The following NFILZ variants were observed in gnomAD, a reference collection of about 807,000 sequenced individuals.
NFILZ encodes NFIL3 like protein.
chr19:8,678,501 C>T lies in NFILZ; in HGVS notation c.*866C>T, dbSNP rs1555751087. The stretch of plus-strand genomic sequence containing the variant: ...TCTTTCTTGCTTCTATCCATTTTCC[C>T]ATCCACACACCTATCCATTCATCCA... On this transcript the variant is annotated 3_prime_UTR_variant, in exon 6 of 6. Transcript: ENST00000691075. 6.6e-6 allele frequency among the ~76,000 whole-genome samples: 1 copy of T among 150,722 alleles called. No individual in the cohort carries two copies. Among genetic ancestry groups the T allele is most frequent in the Non-Finnish European group, 1.5e-5 (1 of 67,696 alleles).
intron 3 of NFILZ, among the ~76,000 whole-genome samples, chr19:8,646,124 C>T (rs2042938384): frequency 6.6e-6 from 1 of 151,986 alleles, no homozygotes; most frequent in Admixed American, 6.6e-5. Context: ...ACAACCTCTG[C>T]CTCCTGGGTT....
Position 8,678,086 on chromosome 19 carries a change from A to G in NFILZ, c.*451A>G, listed in dbSNP as rs2043122584. Among the ~76,000 whole-genome samples, 1 of 4,632 alleles carries G rather than the reference A, an allele frequency of 2.2e-4. No homozygotes were observed. Among genetic ancestry groups the G allele is most frequent in the African/African-American group, 1.0e-3 (1 of 954 alleles). 3.0% of individuals were successfully genotyped at this position (4,632 alleles called of 152,430 possible). On this transcript the variant is annotated 3_prime_UTR_variant, in exon 6 of 6. Coordinates refer to ENST00000691075, the MANE Select transcript of NFILZ (RefSeq NM_001378600.1). The stretch of plus-strand genomic sequence containing the variant: ...TATTCATCCATCCATCAATCCATCC[A>G]TCCATTCCATCCATCCATCCATCCA...
intron 3 of NFILZ, among the ~76,000 whole-genome samples, chr19:8,647,747 C>A (rs2042945334): frequency 8.4e-6 from 1 of 119,276 alleles, no homozygotes; most frequent in South Asian, 2.6e-4. Context: ...GGGAGGGGAA[C>A]AACACACACA....
intron 3 of NFILZ, among the ~76,000 whole-genome samples, chr19:8,653,038 T>TTCTTTCTTTCTTTCTCTCTCCC (rs1555747925): frequency 2.2e-5 from 2 of 90,588 alleles, no homozygotes; most frequent in Admixed American, 1.3e-4. Flanking sequence ...CTTTCTTTCT[T>TTCTTTCTTTCTTTCTCTCTCCC]TCTCTCTCTC....
intron 1 of NFILZ, among the ~76,000 whole-genome samples, chr19:8,631,829 T>TG (rs1555745576): frequency 1.8e-5 from 1 of 56,034 alleles, no homozygotes; most frequent in South Asian, 7.7e-4. Flanking sequence ...AGTCCTCGCT[T>TG]TTGTGTGTGT....
intron 3 of NFILZ, among the ~76,000 whole-genome samples, chr19:8,653,043 T>TCTCTCTCC (rs2042975805): frequency 1.4e-5 from 1 of 69,234 alleles, no homozygotes; most frequent in Non-Finnish European, 2.9e-5. Context: ...TTTCTTTCTC[T>TCTCTCTCC]CTCTCTCTCT....
chr19:8,656,821 A>G (rs1030627167), intron 3 of NFILZ, among the ~76,000 whole-genome samples: 4 of 152,122 alleles, frequency 2.6e-5, no homozygotes, highest in Non-Finnish European at 5.9e-5. Context: ...ATGATGCCTC[A>G]TGCACCAGGG....
Position 8,656,388 on chromosome 19 carries a change from C to T in NFILZ, c.-163-18163C>T, listed in dbSNP as rs75661980. Among the ~76,000 whole-genome samples the T allele has an allele frequency of 1.1e-3, 103 of 91,514 alleles. 3 individuals are homozygous for T. Among genetic ancestry groups the T allele is most frequent in the East Asian group, 7.4e-3 (19 of 2,552 alleles). 60.0% of individuals were successfully genotyped at this position (91,514 alleles called of 152,430 possible). On this transcript the variant is annotated intron_variant, in intron 3 of 5. Transcript: ENST00000691075. ...CCACCTTCTCCCTGAAGCCCACCTT[C>T]TCCCGCAGCCCACCTTCTCTCTGAA...
intron 3 of NFILZ, among the ~76,000 whole-genome samples, chr19:8,663,393 GA>G (rs149272484): frequency 0.047 from 7,036 of 148,962 alleles, 208 homozygotes; most frequent in Middle Eastern, 0.14. Context: ...GGCAGTGGGG[GA>G]TGGAACTGCC....
chr19:8,679,884 G>A lies in NFILZ; in HGVS notation c.*2249G>A, dbSNP rs1275827021. Among the ~76,000 whole-genome samples the A allele has an allele frequency of 3.3e-5, 5 of 152,152 alleles. No homozygotes were observed. Among genetic ancestry groups the A allele is most frequent in the African/African-American group, 9.7e-5 (4 of 41,434 alleles). On this transcript the variant is annotated 3_prime_UTR_variant, in exon 6 of 6. Transcript: ENST00000691075. The stretch of plus-strand genomic sequence containing the variant: ...CCCGGTATAGGGGCTTCTCTGGACT[G>A]TTTTATCTTCATAAATAATGTGAAT...
intron 2 of NFILZ, among the ~76,000 whole-genome samples, chr19:8,634,430 C>T (rs782158258): frequency 5.3e-5 from 8 of 152,164 alleles, no homozygotes; most frequent in Non-Finnish European, 7.3e-5. Context: ...GAACTATCGG[C>T]GCATGCCGTG....
intron 2 of NFILZ, among the ~76,000 whole-genome samples, chr19:8,634,703 T>G (rs2042886516): frequency 6.6e-6 from 1 of 151,318 alleles, no homozygotes; most frequent in Non-Finnish European, 1.5e-5. Context: ...CAGTGAGACC[T>G]TGTCTCTACA....
chr19:8,652,969 C>T (rs181102711), intron 3 of NFILZ, among the ~76,000 whole-genome samples: 6 of 113,958 alleles, frequency 5.3e-5, no homozygotes, highest in Non-Finnish European at 8.6e-5. Flanking sequence ...CCTTCCTTCC[C>T]TCCTTCCTTC....
intron 3 of NFILZ, among the ~76,000 whole-genome samples, chr19:8,662,878 G>A (rs1017639907): frequency 6.6e-5 from 10 of 151,340 alleles, no homozygotes; most frequent in Admixed American, 1.3e-4. Flanking sequence ...CTCTTGATCC[G>A]TCTGCCTCCC....
rs377337194 is a variant in NFILZ, at chr19:8,656,355, C to A, written c.-163-18196C>A. Among the ~76,000 whole-genome samples the A allele has an allele frequency of 5.3e-4, 40 of 74,782 alleles. 4 individuals are homozygous for A. The South Asian group carries it at 0.016, about 31-fold the overall frequency. The allele number at this position is 74,782 out of a possible 152,430, so 49.1% of individuals were successfully genotyped here. ...CCTTCTTCCTGAAGCCCACCTCTTC[C>A]CTGAAGCCCACCTTCTCCCTGAAGC... On this transcript the variant is annotated intron_variant, in intron 3 of 5. Coordinates refer to ENST00000691075, the MANE Select transcript of NFILZ (RefSeq NM_001378600.1).
At chr19:8,656,526 TCTCTC>T (rs1210141722) in intron 3 of NFILZ, among the ~76,000 whole-genome samples, 1 of 149,910 alleles carries the variant, frequency 6.7e-6, no homozygotes, top group Non-Finnish European at 1.5e-5. Flanking sequence ...CAGCCCACCT[TCTCTC>T]TGAAGCTCCC....
chr19:8,656,372 C>CCTGCAGCCCACCTTCT (rs2042997845), intron 3 of NFILZ, among the ~76,000 whole-genome samples: 9 of 130,454 alleles, frequency 6.9e-5, no homozygotes, highest in Admixed American at 3.2e-4. Flanking sequence ...CCCACCTTCT[C>CCTGCAGCCCACCTTCT]CCTGAAGCCC....
At chr19:8,661,360 G>T (rs953701224) in intron 3 of NFILZ, among the ~76,000 whole-genome samples, 2 of 151,304 alleles carry the variant, frequency 1.3e-5, no homozygotes, top group African/African-American at 2.4e-5. Context: ...GATGGGTTTC[G>T]CCCAGGCTTA....
At chr19:8,670,432 A>T (rs2043081355) in intron 3 of NFILZ, among the ~76,000 whole-genome samples, 1 of 152,178 alleles carries the variant, frequency 6.6e-6, no homozygotes, top group East Asian at 1.9e-4. Context: ...CATTAAACGT[A>T]TGAATATTTT....
Sources: allele counts gnomAD v4.1 joint callset (sites outside exome capture counted in the v4.1 genomes callset), GRCh38; gene constraint gnomAD v4.1.1; transcripts MANE v1.5; gene names NCBI Gene and HGNC (gene_info 2026-07-23, HGNC 2026-07-21).